RXYLT1: variants seen among roughly 807,000 people sequenced by gnomAD.
The protein encoded by RXYLT1 is ribitol-5-phosphate xylosyltransferase 1.
RXYLT1 carries 41 observed loss-of-function variants against 43.5 expected under a neutral mutation model. The observed-to-expected ratio is 0.94, with a 90% confidence interval of 0.73 to 1.22. RXYLT1 has a LOEUF of 1.22. Among genes scored for constraint, RXYLT1 ranks in the 50% most tolerant of loss-of-function variants. RXYLT1 has a pLI of 0.00. For synonymous variants in RXYLT1, 166 were observed against 194.4 expected, an observed-to-expected ratio of 0.85 and a Z score of 1.21; for missense variants, 514 against 532.0, an observed-to-expected ratio of 0.97 and a Z score of 0.33.
intron 2 of RXYLT1, chr12:63,782,734 G>C: frequency 2.6e-6 from 1 of 383,622 alleles, no homozygotes; most frequent in South Asian, 2.0e-5. Flanking sequence ...TCTTCAAAGA[G>C]CCCTTTGTGT....
intron 3 of RXYLT1, among the ~76,000 whole-genome samples, chr12:63,792,778 A>C (rs1444384787): frequency 6.6e-6 from 1 of 152,218 alleles, no homozygotes; most frequent in African/African-American, 2.4e-5. Context: ...ATGTTCTGAG[A>C]GATTAAATGA....
At chr12:63,787,268 C>T (rs1423288829) in intron 3 of RXYLT1, among the ~76,000 whole-genome samples, 1 of 152,220 alleles carries the variant, frequency 6.6e-6, no homozygotes, top group African/African-American at 2.4e-5. Flanking sequence ...TTTCTCTGCT[C>T]ATTCATAAAA....
At chr12:63,783,919 G>A (rs896125464) in intron 2 of RXYLT1, among the ~76,000 whole-genome samples, 14 of 151,964 alleles carry the variant, frequency 9.2e-5, no homozygotes, top group African/African-American at 3.1e-4. Context: ...GCGGCTACCC[G>A]TATTCCTTCA....
At chr12:63,797,939 A>T (rs1443922812) in intron 3 of RXYLT1, among the ~76,000 whole-genome samples, 1 of 152,112 alleles carries the variant, frequency 6.6e-6, no homozygotes. Flanking sequence ...AAGATGAGAG[A>T]GGGAAACAAA....
At chr12:63,791,998 C>T (rs565993586) in intron 3 of RXYLT1, among the ~76,000 whole-genome samples, 49 of 152,294 alleles carry the variant, frequency 3.2e-4, no homozygotes, top group South Asian at 2.3e-3. Flanking sequence ...GTGCTTACCT[C>T]GTTTGAGCAC....
chr12:63,788,798 T>A (rs1448832065), intron 3 of RXYLT1, among the ~76,000 whole-genome samples: 2 of 152,222 alleles, frequency 1.3e-5, no homozygotes, highest in Non-Finnish European at 2.9e-5. Flanking sequence ...TTTCATTTCC[T>A]TCAAGAACTT....
chr12:63,799,041 T>C (rs1430597292), intron 3 of RXYLT1, among the ~76,000 whole-genome samples: 2 of 152,022 alleles, frequency 1.3e-5, no homozygotes, highest in East Asian at 3.9e-4. Context: ...CTAAAGGTGC[T>C]AAGAATCTCT....
At chr12:63,796,522 G>C (rs1898034350) in intron 3 of RXYLT1, among the ~76,000 whole-genome samples, 2 of 152,050 alleles carry the variant, frequency 1.3e-5, no homozygotes, top group South Asian at 4.1e-4. Context: ...AATACCCAAA[G>C]ACAAATAAAG....
intron 2 of RXYLT1, among the ~76,000 whole-genome samples, chr12:63,783,628 C>G (rs2136221095): frequency 6.6e-6 from 1 of 152,264 alleles, no homozygotes; most frequent in Admixed American, 6.5e-5. Flanking sequence ...GCAATCTAAT[C>G]TAGGCTTTTT....
chr12:63,779,910 T>C lies in RXYLT1; in HGVS notation c.-51T>C. 6.2e-7 allele frequency: 1 copy of C among 1,604,396 alleles called. No individual in the cohort carries two copies. Among genetic ancestry groups the C allele is most frequent in the Non-Finnish European group, 8.5e-7 (1 of 1,178,194 alleles). ...CGGACGCCGCCGGTGTCGCGGATTC[T>C]CTTTCCGCCCGCTCCATGGCGGTGG... On this transcript the variant is annotated 5_prime_UTR_variant, in exon 1 of 6. Coordinates refer to ENST00000261234, the MANE Select transcript of RXYLT1 (RefSeq NM_014254.3).
chr12:63,809,064 G>C lies in RXYLT1; in HGVS notation c.1304G>C (p.Ser435Thr). Residue 435 changes from serine to threonine, a missense_variant, in exon 6 of 6, where the codon AGC becomes ACC. Coordinates refer to ENST00000261234, the MANE Select transcript of RXYLT1 (RefSeq NM_014254.3). ...LKMKFTNILESSFLMNNKS is the reference protein window; with the variant it reads ...LKMKFTNILETSFLMNNKS ...ATGAAATTTACTAATATTTTAGAAA[G>C]CTCATTTTTAATGAATAATAAAAGT... 1 of 1,556,504 alleles carries C rather than the reference G, an allele frequency of 6.4e-7. No individual in the cohort carries two copies. Among genetic ancestry groups the C allele is most frequent in the Non-Finnish European group, 8.7e-7 (1 of 1,151,444 alleles).
chr12:63,809,418 G>T lies in RXYLT1; in HGVS notation c.*326G>T. The T allele has an allele frequency of 4.5e-6, 1 of 224,474 alleles. No homozygotes were observed. The allele number at this position is 224,474 out of a possible 1,614,324, so 13.9% of individuals were successfully genotyped here. On this transcript the variant is annotated 3_prime_UTR_variant, in exon 6 of 6. Transcript: ENST00000261234. ...GCACTGCCAGTCAAGTAAAAGTACA[G>T]CAATTATGTCCTGTACATAATATTT...
At chr12:63,796,672 AT>A (rs1898038199) in intron 3 of RXYLT1, among the ~76,000 whole-genome samples, 1 of 152,234 alleles carries the variant, frequency 6.6e-6, no homozygotes, top group Non-Finnish European at 1.5e-5. Context: ...GGAGCACATC[AT>A]TTGAATATGA....
At chr12:63,781,280 G>A (rs1897678154) in intron 2 of RXYLT1, 106 bp downstream of exon 2, 1 of 1,160,756 alleles carries the variant, frequency 8.6e-7, no homozygotes, top group Admixed American at 3.6e-5. Context: ...GTTAATTAAG[G>A]CATCATGATA....
chr12:63,784,957 T>G lies in RXYLT1; in HGVS notation c.326-13T>G. 1 of 1,609,698 alleles carries G rather than the reference T, an allele frequency of 6.2e-7. No individual in the cohort carries two copies. The highest frequency in any genetic ancestry group is 8.5e-7 in the Non-Finnish European group (1 of 1,177,030). ...TAAATTGTTTTGATTTTGTTTTTGT[T>G]GTTAATTACCAGGCTTGTATCTCTG... On this transcript the variant is annotated splice_polypyrimidine_tract_variant and intron_variant, in intron 2 of 5. Coordinates refer to ENST00000261234, the MANE Select transcript of RXYLT1 (RefSeq NM_014254.3).
At chr12:63,786,432 AT>A (rs1357763565) in intron 3 of RXYLT1, among the ~76,000 whole-genome samples, 1 of 152,076 alleles carries the variant, frequency 6.6e-6, no homozygotes, top group Non-Finnish European at 1.5e-5. Context: ...AGTCATATGA[AT>A]TTTTTTATTA....
At chr12:63,807,161 A>G (rs1898314573) in intron 5 of RXYLT1, 2 of 152,208 alleles carry the variant, frequency 1.3e-5, no homozygotes, top group Admixed American at 6.5e-5. Flanking sequence ...CTTAGAATCT[A>G]TTGTTCCTAC....
chr12:63,789,520 T>C (rs1258256208), intron 3 of RXYLT1, among the ~76,000 whole-genome samples: 1 of 152,154 alleles, frequency 6.6e-6, no homozygotes, highest in Non-Finnish European at 1.5e-5. Flanking sequence ...AGTGAGCACA[T>C]GCTGTTGGAA....
At chr12:63,781,900 G>C (rs903303299) in intron 2 of RXYLT1, among the ~76,000 whole-genome samples, 4 of 152,142 alleles carry the variant, frequency 2.6e-5, no homozygotes, top group Non-Finnish European at 4.4e-5. Flanking sequence ...AGAGCATAGT[G>C]CTCTGCTCAT....
Sources: allele counts gnomAD v4.1 joint callset (sites outside exome capture counted in the v4.1 genomes callset), GRCh38; gene constraint gnomAD v4.1.1; transcripts MANE v1.5; gene names NCBI Gene and HGNC (gene_info 2026-07-23, HGNC 2026-07-21).